Variants in FAM107B observed in about 807,000 individuals in gnomAD.
FAM107B encodes the protein family with sequence similarity 107 member B.
FAM107B carries 21 observed loss-of-function variants against 31.5 expected under a neutral mutation model. The observed-to-expected ratio is 0.67, with a 90% CI of 0.47 to 0.96. The LOEUF (loss-of-function observed/expected upper bound fraction) is 0.96. FAM107B is among the 40% of genes least tolerant of loss of function. The probability of loss-of-function intolerance (pLI) is 0.00; values close to 1 mark genes in which losing one functional copy is unlikely to be tolerated. For missense variants in FAM107B, 452 were observed against 377.1 expected, an observed-to-expected ratio of 1.20 and a Z score of -1.64; for synonymous variants, 157 against 141.5, an observed-to-expected ratio of 1.11 and a Z score of -0.78.
intron 2 of FAM107B, among the ~76,000 whole-genome samples, chr10:14,540,399 G>A (rs1370999244): frequency 2.6e-5 from 4 of 152,160 alleles, no homozygotes; most frequent in East Asian, 3.8e-4. Context: ...GTTTCTATCC[G>A]CATGACAGTC....
intron 1 of FAM107B, chr10:14,724,116 G>A: frequency 1.8e-6 from 1 of 563,586 alleles, no homozygotes; most frequent in Middle Eastern, 4.9e-4. Context: ...GGACTCCTCT[G>A]TGGGTAGCGC....
intron 2 of FAM107B, among the ~76,000 whole-genome samples, chr10:14,638,367 G>A (rs1564610490): frequency 6.6e-6 from 1 of 151,804 alleles, no homozygotes; most frequent in Non-Finnish European, 1.5e-5. Flanking sequence ...ATGCCTTAAA[G>A]GTTTCCAGTC....
chr10:14,704,690 C>A (rs1821375037), intron 1 of FAM107B, among the ~76,000 whole-genome samples: 1 of 151,942 alleles, frequency 6.6e-6, no homozygotes, highest in Non-Finnish European at 1.5e-5. Context: ...ATAAAGAATG[C>A]CTACAACTCG....
chr10:14,643,501 C>G (rs1338165872), intron 2 of FAM107B, among the ~76,000 whole-genome samples: 1 of 151,654 alleles, frequency 6.6e-6, no homozygotes, highest in Non-Finnish European at 1.5e-5. Flanking sequence ...TCTCCACCTC[C>G]TGGGTTTAAG....
chr10:14,735,518 G>A (rs189352144), intron 1 of FAM107B, among the ~76,000 whole-genome samples: 6 of 152,214 alleles, frequency 3.9e-5, no homozygotes, highest in African/African-American at 9.6e-5. Flanking sequence ...ACGGCACTTC[G>A]GTTTCAGGTC....
intron 1 of FAM107B, among the ~76,000 whole-genome samples, chr10:14,707,698 A>G (rs2131532906): frequency 6.6e-6 from 1 of 152,308 alleles, no homozygotes; most frequent in East Asian, 1.9e-4. Context: ...GGGCCCAAGT[A>G]TGTATTCTTG....
intron 3 of FAM107B, among the ~76,000 whole-genome samples, chr10:14,528,855 T>C (rs1255468921): frequency 6.6e-6 from 1 of 152,250 alleles, no homozygotes; most frequent in Non-Finnish European, 1.5e-5. Flanking sequence ...TCATAGCCTA[T>C]AATTTAGAGA....
At chr10:14,562,813 C>T (rs1301106442) in intron 2 of FAM107B, among the ~76,000 whole-genome samples, 1 of 152,222 alleles carries the variant, frequency 6.6e-6, no homozygotes, top group African/African-American at 2.4e-5. Flanking sequence ...CACAATAACT[C>T]AGAAGTCGAT....
chr10:14,566,882 T>A (rs1850715221), intron 2 of FAM107B, among the ~76,000 whole-genome samples: 1 of 152,168 alleles, frequency 6.6e-6, no homozygotes, highest in African/African-American at 2.4e-5. Flanking sequence ...CCGGGCGCGG[T>A]GGCTCACGCC....
rs191990019 is a variant in FAM107B at position 14,699,958 on chromosome 10, A to G, written c.412-32267T>C. ...ATGATTATTATTATTTTTGAGATGGACTCCCGCTCTGTTGCCCAGGCTAGA... is the reference window on the plus strand; with the variant it reads ...ATGATTATTATTATTTTTGAGATGGGCTCCCGCTCTGTTGCCCAGGCTAGA... On this transcript the variant is annotated intron_variant, in intron 1 of 4. Coordinates refer to ENST00000181796, the MANE Select transcript of FAM107B (RefSeq NM_031453.4). 1.3e-4 allele frequency among the ~76,000 whole-genome samples: 20 copies of G among 151,614 alleles called. No individual in the cohort carries two copies. In the East Asian group the frequency reaches 3.9e-3, roughly 29 times the overall value.
chr10:14,559,114 AAAAC>A (rs1192250124), intron 2 of FAM107B, among the ~76,000 whole-genome samples: 9 of 68,940 alleles, frequency 1.3e-4, no homozygotes, highest in African/African-American at 2.5e-4. Flanking sequence ...AAAAAAAAAA[AAAAC>A]AAAAAAAAAA....
At chr10:14,682,895 A>G (rs934465625) in intron 1 of FAM107B, among the ~76,000 whole-genome samples, 57 of 152,124 alleles carry the variant, frequency 3.7e-4, no homozygotes, top group African/African-American at 1.3e-3. Context: ...TATAATAATA[A>G]AAAAAAGAAA....
At chr10:14,572,735 A>G in intron 2 of FAM107B, among the ~76,000 whole-genome samples, 1 of 114,298 alleles carries the variant, frequency 8.7e-6, no homozygotes, top group East Asian at 2.9e-4. Flanking sequence ...AAAAAAAAAA[A>G]AATTTATATA....
intron 1 of FAM107B, among the ~76,000 whole-genome samples, chr10:14,760,002 G>C (rs183984365): frequency 2.0e-5 from 3 of 152,126 alleles, no homozygotes; most frequent in African/African-American, 7.2e-5. Context: ...GTGAGCCACC[G>C]TGCCTAGCCA....
chr10:14,709,938 T>A lies in FAM107B; in HGVS notation c.412-42247A>T, dbSNP rs181817500. Among the ~76,000 whole-genome samples the A allele has an allele frequency of 1.6e-3, 240 of 152,156 alleles. 1 individual carries two copies. The highest frequency in any genetic ancestry group is 5.7e-3 in the African/African-American group (235 of 41,510). ...ATAGGGGGGAGGAGAGAGAAAAGAA[T>A]AAAACAGAGCACAGGAGATTTTCAG... On this transcript the variant is annotated intron_variant, in intron 1 of 4. Coordinates refer to ENST00000181796, the MANE Select transcript of FAM107B (RefSeq NM_031453.4).
At chr10:14,643,971 T>C (rs918128112) in intron 2 of FAM107B, among the ~76,000 whole-genome samples, 1 of 152,148 alleles carries the variant, frequency 6.6e-6, no homozygotes, top group African/African-American at 2.4e-5. Context: ...AAAACAGCTG[T>C]CCAATTGAAG....
At chr10:14,611,432 G>T (rs959946677) in intron 2 of FAM107B, among the ~76,000 whole-genome samples, 26 of 147,394 alleles carry the variant, frequency 1.8e-4, no homozygotes, top group African/African-American at 6.5e-4. Context: ...TCCATTAGCG[G>T]GAAGTATCCT....
rs1845665769 is a variant in FAM107B, at chr10:14,521,797, T to C, written c.804+72A>G. 4 of 1,568,422 alleles carry C rather than the reference T, an allele frequency of 2.6e-6. No homozygotes were observed. The East Asian group carries it at 8.9e-5, about 35-fold the overall frequency. On this transcript the variant is annotated intron_variant, in intron 4 of 4. Transcript: ENST00000181796. ...ATACACTGGCACGTCTGGTAAATCC[T>C]GCCCGCTCCAACACTCCAACATTCT... is the stretch of plus-strand genomic sequence containing the variant.
At chr10:14,547,791 G>GT (rs1848837535) in intron 2 of FAM107B, among the ~76,000 whole-genome samples, 2 of 152,198 alleles carry the variant, frequency 1.3e-5, no homozygotes, top group African/African-American at 2.4e-5. Flanking sequence ...ACAATGATGT[G>GT]TTTTTTCTGT....
Sources: allele counts gnomAD v4.1 joint callset (sites outside exome capture counted in the v4.1 genomes callset), GRCh38; gene constraint gnomAD v4.1.1; transcripts MANE v1.5; gene names NCBI Gene and HGNC (gene_info 2026-07-23, HGNC 2026-07-21).